The following SPATA3 variants were observed in gnomAD, a reference collection of about 807,000 sequenced individuals.
The protein encoded by SPATA3 is spermatogenesis associated 3, also known as spermatogenesis-associated protein 3.
In SPATA3, 6 loss-of-function variants were observed where a neutral mutation model predicts 5.7. The ratio of observed to expected loss-of-function variants is 1.06; its 90% confidence interval spans 0.58 to 2.09. The LOEUF is 2.09. Among genes scored for constraint, SPATA3 ranks in the 30% most tolerant of loss-of-function variants. The pLI, the probability that SPATA3 is intolerant of heterozygous loss-of-function variation, is 0.00. For synonymous variants in SPATA3, 44 were observed against 48.4 expected, an observed-to-expected ratio of 0.91 and a Z score of 0.37; for missense variants, 155 against 130.4, an observed-to-expected ratio of 1.19 and a Z score of -0.92.
chr2:231,018,088 C>T (rs6740417), intron 6 of SPATA3, among the ~76,000 whole-genome samples: 43,169 of 151,812 alleles, frequency 0.28, 6,365 homozygotes, highest in Admixed American at 0.36. Context: ...CCCCGCCCAG[C>T]TAATTTTTAT....
intron 2 of SPATA3, among the ~76,000 whole-genome samples, chr2:231,001,199 C>G (rs1321775674): frequency 6.6e-6 from 1 of 152,200 alleles, no homozygotes; most frequent in East Asian, 1.9e-4. Flanking sequence ...AGTGTCATGG[C>G]TGCCACCGCC....
chr2:231,019,515 G>A (rs550687396), intron 6 of SPATA3, among the ~76,000 whole-genome samples: 18 of 149,688 alleles, frequency 1.2e-4, no homozygotes, highest in Middle Eastern at 3.4e-3. Flanking sequence ...TAGTAGAGAT[G>A]GGGTTTCACC....
intron 6 of SPATA3, among the ~76,000 whole-genome samples, chr2:231,016,415 T>C (rs1372398308): frequency 6.7e-6 from 1 of 149,166 alleles, no homozygotes; most frequent in Non-Finnish European, 1.5e-5. Context: ...TGGCGGGGCA[T>C]GGTGGCTTAC....
chr2:231,013,053 G>A (rs1692828603), intron 5 of SPATA3, among the ~76,000 whole-genome samples: 1 of 152,140 alleles, frequency 6.6e-6, no homozygotes, highest in Non-Finnish European at 1.5e-5. Flanking sequence ...CTCCAAGTGG[G>A]CCTTGATGCT....
At chr2:231,006,089 G>T (rs1291393993), downstream of SPATA3, among the ~76,000 whole-genome samples, 1 of 151,882 alleles carries the variant, frequency 6.6e-6, no homozygotes, top group African/African-American at 2.4e-5. Flanking sequence ...CAGCTATTTG[G>T]GAGGCTGAGG....
At chr2:231,016,019 G>A (rs1000461907) in intron 6 of SPATA3, among the ~76,000 whole-genome samples, 2 of 152,164 alleles carry the variant, frequency 1.3e-5, no homozygotes, top group African/African-American at 2.4e-5. Context: ...CACCTCTTTG[G>A]GCATGGGCAG....
chr2:231,002,627 G>A (rs180766677), intron 2 of SPATA3, 57 bp from the exon 3 acceptor site: 166 of 1,110,534 alleles, frequency 1.5e-4, no homozygotes, highest in African/African-American at 1.3e-3. Flanking sequence ...TCTCCTGTTC[G>A]TAGAGAGGCA....
At position 231,000,355 on chromosome 2, in the gene SPATA3, TGTCC is replaced by T; in HGVS notation, c.791-10_791-7del. On this transcript the variant is annotated splice_polypyrimidine_tract_variant and splice_region_variant and intron_variant, in intron 1 of 2. Coordinates refer to ENST00000645363, the Ensembl canonical transcript of SPATA3. ...GGTGCCTCCCTCACCTCTCTCCTTC[TGTCC>T]CCACAGGGCCTCTGATTCGCGCCGG... 2 of 1,466,474 alleles carry T rather than the reference TGTCC, an allele frequency of 1.4e-6. No individual in the cohort carries two copies. The highest frequency in any genetic ancestry group is 1.8e-6 in the Non-Finnish European group (2 of 1,098,122). 90.8% of individuals were successfully genotyped at this position (1,466,474 alleles called of 1,614,324 possible).
chr2:231,011,459 A>T (rs1187381317), downstream of SPATA3, among the ~76,000 whole-genome samples: 1 of 152,166 alleles, frequency 6.6e-6, no homozygotes, highest in African/African-American at 2.4e-5. Flanking sequence ...CGAAGTGCAG[A>T]AGAAAGTCCA....
rs368857667 is a variant in SPATA3, at chr2:231,000,511, A to G, written c.936A>G (p.Gly312=). The G allele has an allele frequency of 6.7e-5, 103 of 1,542,174 alleles. 2 individuals are homozygous for G. Among genetic ancestry groups the G allele is most frequent in the East Asian group, 5.9e-4 (24 of 40,490 alleles). The change falls in exon 2 of 3, where the codon GGA becomes GGG. Residue 312 remains glycine, a synonymous_variant. Coordinates refer to ENST00000645363, the Ensembl canonical transcript of SPATA3. ...ACTGGCAGATGGCGCCAGGGAGAGG[A>G]CTCCCCAACCTGCTCACCTTCTACA...
chr2:231,016,568 C>T (rs1692945396), intron 6 of SPATA3, among the ~76,000 whole-genome samples: 1 of 151,564 alleles, frequency 6.6e-6, no homozygotes, highest in Non-Finnish European at 1.5e-5. Context: ...ACCAATAGTC[C>T]CAGCTACTTG....
intron 1 of SPATA3, among the ~76,000 whole-genome samples, chr2:230,998,326 T>C (rs1361666460): frequency 6.6e-6 from 1 of 152,238 alleles, no homozygotes; most frequent in Non-Finnish European, 1.5e-5. Context: ...CACCATACTA[T>C]ATGTTGTAAA....
chr2:231,009,825 C>A (rs907528755), downstream of SPATA3, among the ~76,000 whole-genome samples: 4 of 152,238 alleles, frequency 2.6e-5, no homozygotes, highest in Non-Finnish European at 4.4e-5. Context: ...AGACCTGTCA[C>A]CCTCGGGAGC....
chr2:231,005,625 T>TCATCAC (rs1692597399), downstream of SPATA3, among the ~76,000 whole-genome samples: 1 of 106,764 alleles, frequency 9.4e-6, no homozygotes, highest in Admixed American at 9.3e-5. Flanking sequence ...ATCATCACCA[T>TCATCAC]CATCACCATC....
At chr2:231,019,330 T>G (rs1693017537) in intron 6 of SPATA3, among the ~76,000 whole-genome samples, 1 of 137,272 alleles carries the variant, frequency 7.3e-6, no homozygotes, top group African/African-American at 2.7e-5. Flanking sequence ...TCAATCTCAC[T>G]TTTTTTTTTT....
chr2:230,998,125 G>A (rs900654765), intron 1 of SPATA3, among the ~76,000 whole-genome samples: 2 of 152,174 alleles, frequency 1.3e-5, no homozygotes, highest in Non-Finnish European at 2.9e-5. Flanking sequence ...GATCTGCCAT[G>A]AGCCAGTGCC....
rs1275013054 is a variant in SPATA3, at chr2:231,000,604, C to T, written c.962+67C>T. 4.5e-6 allele frequency: 6 copies of T among 1,335,272 alleles called. No homozygotes were observed. In the East Asian group the frequency reaches 1.7e-4, roughly 38 times the overall value. 82.7% of individuals were successfully genotyped at this position (1,335,272 alleles called of 1,614,324 possible). On this transcript the variant is annotated intron_variant, in intron 2 of 2. Transcript: ENST00000645363. The stretch of plus-strand genomic sequence containing the variant: ...CCAGGGCCAGGCTCTGCCCCCAGAC[C>T]TTATTAGCAATCATGTATCACTTCC...
At chr2:230,997,864 G>T (rs967726555) in intron 1 of SPATA3, among the ~76,000 whole-genome samples, 3 of 152,174 alleles carry the variant, frequency 2.0e-5, no homozygotes, top group East Asian at 1.9e-4. Flanking sequence ...TTCAGATCAG[G>T]TGTCTTAATT....
chr2:231,017,833 A>G (rs906422974), intron 6 of SPATA3, among the ~76,000 whole-genome samples: 1 of 152,178 alleles, frequency 6.6e-6, no homozygotes, highest in Non-Finnish European at 1.5e-5. Context: ...GGATGCAAAC[A>G]GGCTTCCTCT....
Sources: allele counts gnomAD v4.1 joint callset (sites outside exome capture counted in the v4.1 genomes callset), GRCh38; gene constraint gnomAD v4.1.1; transcripts MANE v1.5; gene names NCBI Gene and HGNC (gene_info 2026-07-23, HGNC 2026-07-21).